The following NCKAP5 variants were observed in gnomAD, a reference collection of about 807,000 sequenced individuals.
NCKAP5 encodes the protein nck-associated protein 5.
Under a neutral mutation model 167.0 loss-of-function variants are expected in NCKAP5, and 92 were observed. That is an observed-to-expected ratio of 0.55 (90% CI 0.47 to 0.66). The LOEUF (loss-of-function observed/expected upper bound fraction) is 0.66, where lower values mean the gene tolerates loss of function less well. Among genes scored for constraint, NCKAP5 ranks in the 30% least tolerant of loss-of-function variants. The pLI is 0.00. For synonymous variants in NCKAP5, 891 were observed against 877.4 expected (o/e 1.02, Z -0.27); for missense variants, 2,378 against 2,315.0 (o/e 1.03, Z -0.56).
In NCKAP5 at chr2:132,784,125, G is replaced by A. The variant is rs771014937; in HGVS notation, c.2686C>T (p.Arg896Trp). 66 of 1,521,816 alleles carry A rather than the reference G, an allele frequency of 4.3e-5. No homozygotes were observed. Among genetic ancestry groups the A allele is most frequent in the South Asian group, 2.3e-4 (17 of 75,274 alleles). 94.3% of individuals were successfully genotyped at this position (1,521,816 alleles called of 1,614,324 possible). ...CTAGACTCAATGGCAGGCCTTGACC[G>A]TGACCCTGGAGTCTGACTCTTGGGG... Reference protein sequence around the residue: ...QCPKSQTPGSRSRPAIESSDS... With the variant: ...QCPKSQTPGSWSRPAIESSDS... The change falls in exon 14 of 20, where the codon CGG (arginine) becomes TGG (tryptophan). Residue 896 changes from arginine to tryptophan, a missense_variant. Arg to Trp is a moderately radical substitution (Grantham distance 101). This residue lies in a region of NCKAP5 where 1,325 missense variants were observed against 1,274.5 expected (regional missense o/e 1.04). Transcript: ENST00000409261.
chr2:133,077,590 C>T (rs548672194), intron 6 of NCKAP5, among the ~76,000 whole-genome samples: 10 of 152,218 alleles, frequency 6.6e-5, no homozygotes, highest in South Asian at 2.1e-4. Flanking sequence ...AAACAAGCCC[C>T]GATGATGGGA....
At position 133,390,211 on chromosome 2, in the gene NCKAP5, C is replaced by T. The variant is rs147163362; in HGVS notation, c.70-87101G>A. Among the ~76,000 whole-genome samples, 5 of 152,346 alleles carry T rather than the reference C, an allele frequency of 3.3e-5. No individual in the cohort carries two copies. The East Asian group carries it at 9.7e-4, about 29-fold the overall frequency. ...CCATGCCTGTGTATATGTCGCAGGACAAGTCCATGCTTGGTACCCTTCAGG... is the reference window on the plus strand; with the variant it reads ...CCATGCCTGTGTATATGTCGCAGGATAAGTCCATGCTTGGTACCCTTCAGG... On this transcript the variant is annotated intron_variant, in intron 3 of 19. Coordinates refer to ENST00000409261, the MANE Select transcript of NCKAP5 (RefSeq NM_207363.3).
chr2:133,556,519 TC>T (rs1338317964), intron 2 of NCKAP5, among the ~76,000 whole-genome samples: 9 of 152,236 alleles, frequency 5.9e-5, no homozygotes, highest in African/African-American at 2.2e-4. Flanking sequence ...ATAAATGTTT[TC>T]CCCTTTGATT....
intron 4 of NCKAP5, among the ~76,000 whole-genome samples, chr2:133,273,218 T>A (rs2089591853): frequency 6.6e-6 from 1 of 152,174 alleles, no homozygotes; most frequent in African/African-American, 2.4e-5. Context: ...ACTTTTATCC[T>A]TTGTTTATAG....
chr2:133,640,733 C>T, the NCKAP5 span, among the ~76,000 whole-genome samples: 6 of 152,136 alleles, frequency 3.9e-5, no homozygotes, highest in Admixed American at 1.3e-4. Context: ...AATATTTGCC[C>T]TGTGAATGAA....
chr2:133,098,992 T>C (rs1390289423), intron 6 of NCKAP5, among the ~76,000 whole-genome samples: 2 of 152,172 alleles, frequency 1.3e-5, no homozygotes, highest in Non-Finnish European at 2.9e-5. Context: ...GACTTGGCAG[T>C]GTCACAGAAA....
At chr2:133,468,862 G>A (rs1382591523) in intron 3 of NCKAP5, among the ~76,000 whole-genome samples, 1 of 152,074 alleles carries the variant, frequency 6.6e-6, no homozygotes, top group South Asian at 2.1e-4. Context: ...CCATTTGCTT[G>A]GTAGATCTTC....
chr2:132,857,553 C>T (rs994117666), intron 11 of NCKAP5, among the ~76,000 whole-genome samples: 31 of 152,088 alleles, frequency 2.0e-4, no homozygotes, highest in African/African-American at 5.3e-4. Flanking sequence ...TCAGTGAATC[C>T]AGACAAGTAG....
chr2:133,647,061 G>T, the NCKAP5 span, among the ~76,000 whole-genome samples: 1 of 151,870 alleles, frequency 6.6e-6, no homozygotes, highest in Admixed American at 6.6e-5. Context: ...AGCAAGAGAA[G>T]AAAAAAACAG....
chr2:133,501,050 T>C (rs764118479), intron 3 of NCKAP5, among the ~76,000 whole-genome samples: 1 of 152,184 alleles, frequency 6.6e-6, no homozygotes, highest in Non-Finnish European at 1.5e-5. Context: ...CACAGAATCA[T>C]TCAGCTCCAA....
At chr2:132,840,966 T>C (rs184553687) in intron 11 of NCKAP5, among the ~76,000 whole-genome samples, 211 of 152,320 alleles carry the variant, frequency 1.4e-3, no homozygotes, top group African/African-American at 4.7e-3. Context: ...AGGTTATCTG[T>C]ATAATCTTTC....
At chr2:132,868,495 G>A (rs771643300) in intron 10 of NCKAP5, among the ~76,000 whole-genome samples, 44 of 152,194 alleles carry the variant, frequency 2.9e-4, no homozygotes, top group Non-Finnish European at 5.6e-4. Flanking sequence ...CCCAGGAAGC[G>A]GGAATTGTTA....
intron 11 of NCKAP5, among the ~76,000 whole-genome samples, chr2:132,859,402 G>A (rs1689717000): frequency 6.6e-6 from 1 of 152,238 alleles, no homozygotes; most frequent in Non-Finnish European, 1.5e-5. Context: ...GAAAAATACC[G>A]TCCAGCAGAG....
chr2:132,684,764 T>A (rs1685708823), intron 19 of NCKAP5, among the ~76,000 whole-genome samples: 1 of 151,870 alleles, frequency 6.6e-6, no homozygotes, highest in Non-Finnish European at 1.5e-5. Flanking sequence ...TACTGTAGGG[T>A]TGGGCTGAGT....
At chr2:133,609,204 A>AT in the NCKAP5 span, among the ~76,000 whole-genome samples, 1 of 152,092 alleles carries the variant, frequency 6.6e-6, no homozygotes, top group Non-Finnish European at 1.5e-5. Flanking sequence ...GCTTTGTGGG[A>AT]TTTTTTAATT....
intron 19 of NCKAP5, among the ~76,000 whole-genome samples, chr2:132,694,301 T>A (rs1160504159): frequency 6.6e-6 from 1 of 152,034 alleles, no homozygotes; most frequent in Non-Finnish European, 1.5e-5. Flanking sequence ...GAAGATATAT[T>A]TAGAGTATCA....
chr2:132,740,519 C>A (rs1404985152), intron 16 of NCKAP5, among the ~76,000 whole-genome samples: 2 of 152,096 alleles, frequency 1.3e-5, no homozygotes, highest in Non-Finnish European at 2.9e-5. Flanking sequence ...TCTAAGTTTA[C>A]CCCATGGTTT....
chr2:133,150,439 G>A (rs2083348688), intron 5 of NCKAP5, among the ~76,000 whole-genome samples: 2 of 152,136 alleles, frequency 1.3e-5, no homozygotes, highest in South Asian at 4.1e-4. Flanking sequence ...AATATAAAGT[G>A]TTCTTTACCT....
intron 8 of NCKAP5, among the ~76,000 whole-genome samples, chr2:132,922,964 G>A (rs987024603): frequency 6.6e-6 from 1 of 152,170 alleles, no homozygotes; most frequent in African/African-American, 2.4e-5. Flanking sequence ...TCAATTTAAA[G>A]CTACTTTGCT....
Sources: gnomAD v4.1 joint callset for allele counts (sites outside exome capture counted in the v4.1 genomes callset) on GRCh38, gnomAD v4.1.1 for gene constraint, gnomAD v4.1.1 regional missense constraint, MANE v1.5 for transcripts, NCBI Gene and HGNC (gene_info 2026-07-23, HGNC 2026-07-21) for gene names.